Variants in SLC17A6 observed in about 807,000 individuals in gnomAD.
The protein encoded by SLC17A6 is vesicular glutamate transporter 2.
SLC17A6 carries 35 observed loss-of-function variants against 67.1 expected under a neutral mutation model. That is an observed-to-expected ratio of 0.52 (90% CI 0.40 to 0.69). SLC17A6 has a LOEUF of 0.69. Ranked by LOEUF, SLC17A6 falls within the 30% of genes least tolerant of loss-of-function variation. The pLI is 0.00. For synonymous variants in SLC17A6, 285 were observed against 252.3 expected (o/e 1.13, Z -1.23); for missense variants, 588 against 723.9 (o/e 0.81, Z 2.15).
intron 1 of SLC17A6, among the ~76,000 whole-genome samples, chr11:22,340,271 C>T (rs1855800501): frequency 6.6e-6 from 1 of 152,196 alleles, no homozygotes. Flanking sequence ...CGGAAAGGCT[C>T]TTTGTTTAAA....
At position 22,341,699 on chromosome 11, in the gene SLC17A6, T is replaced by A. The variant is rs1564977701; in HGVS notation, c.258T>A (p.Gly86=). 1 of 1,614,220 alleles carries A rather than the reference T, an allele frequency of 6.2e-7. No homozygotes were observed. The highest frequency in any genetic ancestry group is 8.5e-7 in the Non-Finnish European group (1 of 1,180,046). ...MSGLGFCISF[G]IRCNLGVAIV... is the part of the protein sequence containing the mutation. ...GCCTGGGCTTCTGCATCTCCTTCGG[T>A]ATCCGCTGCAACCTGGGCGTGGCCA... Residue 86 remains glycine, a synonymous_variant, in exon 2 of 12, where the codon GGT becomes GGA. Coordinates refer to ENST00000263160, the MANE Select transcript of SLC17A6 (RefSeq NM_020346.3).
chr11:22,373,883 C>G (rs1564987262), intron 8 of SLC17A6, among the ~76,000 whole-genome samples: 2 of 152,106 alleles, frequency 1.3e-5, no homozygotes, highest in Admixed American at 1.3e-4. Flanking sequence ...ATCTTTGTCT[C>G]AAACCTTCGA....
chr11:22,345,213 T>TAA (rs557011134), intron 3 of SLC17A6, among the ~76,000 whole-genome samples: 2 of 133,890 alleles, frequency 1.5e-5, no homozygotes, highest in African/African-American at 5.3e-5. Flanking sequence ...ATTATTTAAA[T>TAA]AAAAAAAAAA....
At chr11:22,368,327 A>T (rs542623894) in intron 7 of SLC17A6, among the ~76,000 whole-genome samples, 1 of 152,068 alleles carries the variant, frequency 6.6e-6, no homozygotes, top group Non-Finnish European at 1.5e-5. Context: ...CACACATTGC[A>T]ACTTATTGCA....
At chr11:22,342,731 C>A (rs926595592) in intron 2 of SLC17A6, among the ~76,000 whole-genome samples, 1 of 152,182 alleles carries the variant, frequency 6.6e-6, no homozygotes, top group Non-Finnish European at 1.5e-5. Flanking sequence ...CATATCCGTC[C>A]CCATTTGTGG....
chr11:22,369,164 A>G (rs904535908), intron 7 of SLC17A6, among the ~76,000 whole-genome samples: 16 of 152,044 alleles, frequency 1.1e-4, no homozygotes, highest in African/African-American at 3.9e-4. Context: ...TGGTGTTCAG[A>G]ATAAAGTAAT....
intron 9 of SLC17A6, among the ~76,000 whole-genome samples, chr11:22,375,251 A>T (rs1167785342): frequency 6.6e-6 from 1 of 151,790 alleles, no homozygotes; most frequent in Non-Finnish European, 1.5e-5. Context: ...GAGTGCCTGT[A>T]AGTCCAGCTA....
intron 3 of SLC17A6, among the ~76,000 whole-genome samples, chr11:22,346,523 A>G (rs1295716082): frequency 1.3e-5 from 2 of 152,076 alleles, no homozygotes; most frequent in African/African-American, 4.8e-5. Flanking sequence ...TTAAAGAGCT[A>G]TTGCACATTA....
At chr11:22,347,166 T>C (rs1002850877) in intron 3 of SLC17A6, among the ~76,000 whole-genome samples, 9 of 151,928 alleles carry the variant, frequency 5.9e-5, no homozygotes, top group African/African-American at 2.2e-4. Context: ...ATATTACTAG[T>C]ATCTCAGAGA....
intron 1 of SLC17A6, among the ~76,000 whole-genome samples, chr11:22,339,178 GTT>G (rs1341991021): frequency 6.8e-5 from 2 of 29,542 alleles, no homozygotes; most frequent in African/African-American, 1.6e-4. Flanking sequence ...ATATATATAT[GTT>G]TTATATATAT....
Position 22,374,775 on chromosome 11 carries a change from G to A in SLC17A6, c.1062G>A (p.Val354=). 6.2e-7 allele frequency: 1 copy of A among 1,611,426 alleles called. No individual in the cohort carries two copies. The highest frequency in any genetic ancestry group is 8.5e-7 in the Non-Finnish European group (1 of 1,179,054). The change falls in exon 9 of 12, where the codon GTG becomes GTA. Residue 354 remains valine, a synonymous_variant. Coordinates refer to ENST00000263160, the MANE Select transcript of SLC17A6 (RefSeq NM_020346.3). ...EISKVGMLSA[V]PHLVMTIIVP... ...ATCAGGTTGGTATGCTATCTGCTGT[G>A]CCACACTTAGTAATGACAATTATTG...
At chr11:22,374,334 A>C (rs991834537) in intron 8 of SLC17A6, among the ~76,000 whole-genome samples, 1 of 152,192 alleles carries the variant, frequency 6.6e-6, no homozygotes, top group Non-Finnish European at 1.5e-5. Flanking sequence ...TTAAAGTGCA[A>C]ATATGCATTT....
Position 22,374,858 on chromosome 11 carries a change from C to T in SLC17A6, c.1145C>T (p.Thr382Met), listed in dbSNP as rs1856215196. The T allele has an allele frequency of 2.5e-6, 4 of 1,613,280 alleles. No homozygotes were observed. The highest frequency in any genetic ancestry group is 3.4e-6 in the Non-Finnish European group (4 of 1,179,746). Reference protein sequence around the residue: ...FLRSKQILSTTTVRKIMNCGG... With the variant: ...FLRSKQILSTMTVRKIMNCGG... ...AGAAGCAAGCAGATTCTTTCAACTA[C>T]GACAGTGAGAAAGATCATGAATTGT... Residue 382 changes from threonine (T) to methionine (M), a missense_variant, in exon 9 of 12, where the codon ACG (threonine) becomes ATG (methionine). Thr to Met is a moderately conservative substitution (Grantham distance 81). Coordinates refer to ENST00000263160, the MANE Select transcript of SLC17A6 (RefSeq NM_020346.3).
At chr11:22,366,952 G>A (rs1438081767) in intron 7 of SLC17A6, among the ~76,000 whole-genome samples, 1 of 142,078 alleles carries the variant, frequency 7.0e-6, no homozygotes, top group Non-Finnish European at 1.5e-5. Context: ...GTTGCAGTGA[G>A]CTGAAATCAC....
At chr11:22,360,053 C>T (rs937067886) in intron 4 of SLC17A6, among the ~76,000 whole-genome samples, 2 of 151,782 alleles carry the variant, frequency 1.3e-5, no homozygotes, top group African/African-American at 4.8e-5. Context: ...CCAATTTCCC[C>T]TTCTCTTTCC....
chr11:22,374,215 A>G (rs1384407632), intron 8 of SLC17A6, among the ~76,000 whole-genome samples: 1 of 152,180 alleles, frequency 6.6e-6, no homozygotes, highest in Non-Finnish European at 1.5e-5. Context: ...GTGATCAAGT[A>G]TTGATATTTG....
At chr11:22,356,425 A>G (rs890674868) in intron 3 of SLC17A6, among the ~76,000 whole-genome samples, 5 of 152,226 alleles carry the variant, frequency 3.3e-5, no homozygotes, top group Non-Finnish European at 7.3e-5. Context: ...TAACAATTAT[A>G]TAAAATTAAA....
chr11:22,364,361 A>G (rs1856084982), intron 6 of SLC17A6, among the ~76,000 whole-genome samples: 1 of 152,100 alleles, frequency 6.6e-6, no homozygotes, highest in Non-Finnish European at 1.5e-5. Flanking sequence ...TTGTTGATTT[A>G]TATATTACCT....
Position 22,370,047 on chromosome 11 carries a change from G to A in SLC17A6, c.900G>A (p.Lys300=). The A allele has an allele frequency of 1.2e-6, 2 of 1,605,352 alleles. No homozygotes were observed. Among genetic ancestry groups the A allele is most frequent in the Admixed American group, 1.7e-5 (1 of 58,140 alleles). The change falls in exon 8 of 12, where the codon AAG becomes AAA. Residue 300 remains lysine (K), a synonymous_variant. Coordinates refer to ENST00000263160, the MANE Select transcript of SLC17A6 (RefSeq NM_020346.3). The stretch of plus-strand genomic sequence containing the variant: ...TCTTTTTGGAATTTCAGAAATTCAA[G>A]ACTCCATGGAGGAAGTTTTTTACAT... ...ANLLGAMEKF[K]TPWRKFFTSM...
Sources: allele counts gnomAD v4.1 joint callset (sites outside exome capture counted in the v4.1 genomes callset), GRCh38; gene constraint gnomAD v4.1.1; transcripts MANE v1.5; gene names NCBI Gene and HGNC (gene_info 2026-07-23, HGNC 2026-07-21).